Variants in SPON1 observed in about 807,000 individuals in gnomAD.
SPON1 encodes the protein spondin 1.
Under a neutral mutation model 111.7 loss-of-function variants are expected in SPON1, and 52 were observed. The observed-to-expected ratio is 0.47, with a 90% CI of 0.37 to 0.59. SPON1 has a LOEUF of 0.59. SPON1 is among the 20% of genes least tolerant of loss of function. The pLI is 0.00. For synonymous variants in SPON1, 410 were observed against 395.8 expected (o/e 1.04, Z -0.43); for missense variants, 957 against 1,068.5 (o/e 0.90, Z 1.46).
At chr11:14,162,102 G>A (rs1032720259) in intron 6 of SPON1, among the ~76,000 whole-genome samples, 4 of 148,482 alleles carry the variant, frequency 2.7e-5, no homozygotes, top group Non-Finnish European at 4.4e-5. Context: ...AGGTTGCAGC[G>A]AGCTGAGATA....
At chr11:14,062,284 G>A (rs1019361014) in intron 3 of SPON1, among the ~76,000 whole-genome samples, 2 of 152,192 alleles carry the variant, frequency 1.3e-5, no homozygotes, top group Non-Finnish European at 2.9e-5. Context: ...GTCTAATATG[G>A]ATGACTTTGG....
chr11:13,991,962 C>G (rs1198756595), intron 2 of SPON1, among the ~76,000 whole-genome samples: 3 of 152,160 alleles, frequency 2.0e-5, no homozygotes, highest in African/African-American at 7.2e-5. Flanking sequence ...CTGCCAGATG[C>G]CAGCCAGAGC....
At chr11:14,002,328 G>T (rs1206858584) in intron 2 of SPON1, among the ~76,000 whole-genome samples, 1 of 152,042 alleles carries the variant, frequency 6.6e-6, no homozygotes, top group African/African-American at 2.4e-5. Flanking sequence ...ACCTAAGGGG[G>T]TGAGGAACTG....
chr11:14,201,326 C>T (rs967169490), intron 6 of SPON1, among the ~76,000 whole-genome samples: 5 of 146,390 alleles, frequency 3.4e-5, no homozygotes, highest in African/African-American at 1.0e-4. Context: ...GGTGACAGAG[C>T]GAGACCCCAT....
chr11:14,066,391 G>GA (rs201035441), intron 3 of SPON1, among the ~76,000 whole-genome samples: 37 of 150,878 alleles, frequency 2.5e-4, no homozygotes, highest in East Asian at 5.8e-4. Flanking sequence ...AAAGACGCTG[G>GA]AAAAAAAAAT....
intron 6 of SPON1, among the ~76,000 whole-genome samples, chr11:14,169,898 G>T (rs1554932260): frequency 1.3e-5 from 2 of 152,208 alleles, no homozygotes; most frequent in Non-Finnish European, 2.9e-5. Context: ...GGTTACTGTA[G>T]TCTTGTAGTA....
intron 6 of SPON1, among the ~76,000 whole-genome samples, chr11:14,160,536 T>TAC (rs1491549333): frequency 5.3e-4 from 5 of 9,408 alleles, no homozygotes; most frequent in African/African-American, 2.8e-3. Flanking sequence ...TATATATATT[T>TAC]ATATATATAT....
At position 14,230,902 on chromosome 11, in the gene SPON1, C is replaced by G. The variant is rs540837295; in HGVS notation, c.826-12430C>G. On this transcript the variant is annotated intron_variant, in intron 6 of 15. Transcript: ENST00000576479. Reference sequence around the variant, plus strand: ...TTCCTGAGCTCAAGCGATCCTCCCACCTCAGCCTCCTGAGTAGCTGAGTAG... The same window carrying G: ...TTCCTGAGCTCAAGCGATCCTCCCAGCTCAGCCTCCTGAGTAGCTGAGTAG... Among the ~76,000 whole-genome samples, 26 of 152,076 alleles carry G rather than the reference C, an allele frequency of 1.7e-4. No individual in the cohort carries two copies. In the East Asian group the frequency reaches 5.0e-3, roughly 29 times the overall value.
intron 3 of SPON1, among the ~76,000 whole-genome samples, chr11:14,054,516 G>A (rs1591362822): frequency 6.6e-6 from 1 of 151,858 alleles, no homozygotes; most frequent in Non-Finnish European, 1.5e-5. Context: ...TTTGGGTGCA[G>A]AACTAGTTAG....
intron 3 of SPON1, among the ~76,000 whole-genome samples, chr11:14,044,179 CAT>C (rs536289185): frequency 1.3e-3 from 193 of 152,080 alleles, no homozygotes; most frequent in African/African-American, 4.4e-3. Flanking sequence ...CTGAAGGAAT[CAT>C]ATATAAGCTA....
At position 14,063,702 on chromosome 11, in the gene SPON1, C is replaced by T. The variant is rs555789617; in HGVS notation, c.480-11643C>T. ...CTCAATGGATGAGCAAAGTTGAATGCGTTGTGCAGTCAGCAAGTGTCTTTT... is the reference window on the plus strand; with the variant it reads ...CTCAATGGATGAGCAAAGTTGAATGTGTTGTGCAGTCAGCAAGTGTCTTTT... On this transcript the variant is annotated intron_variant, in intron 3 of 15. Transcript: ENST00000576479. Among the ~76,000 whole-genome samples the T allele has an allele frequency of 5.4e-4, 82 of 152,320 alleles. 1 individual carries two copies. The highest frequency in any genetic ancestry group is 1.2e-3 in the South Asian group (6 of 4,824).
At chr11:14,208,719 A>G (rs1488949384) in intron 6 of SPON1, among the ~76,000 whole-genome samples, 5 of 152,214 alleles carry the variant, frequency 3.3e-5, no homozygotes, top group Admixed American at 3.3e-4. Context: ...TCATATCATT[A>G]TTATTAAATA....
intron 2 of SPON1, among the ~76,000 whole-genome samples, chr11:14,029,655 T>C (rs7128399): frequency 0.3 from 45,461 of 151,968 alleles, 7,886 homozygotes; most frequent in South Asian, 0.51. Flanking sequence ...TCCACCCCAT[T>C]CTCCCAGTGC....
chr11:14,221,701 T>TCC (rs1848682849), intron 6 of SPON1, among the ~76,000 whole-genome samples: 1 of 152,194 alleles, frequency 6.6e-6, no homozygotes, highest in Admixed American at 6.5e-5. Flanking sequence ...CATCTCCTTC[T>TCC]TATCAATGGG....
At chr11:13,971,284 G>T (rs1255319318) in intron 1 of SPON1, among the ~76,000 whole-genome samples, 1 of 152,198 alleles carries the variant, frequency 6.6e-6, no homozygotes, top group African/African-American at 2.4e-5. Context: ...AAACGCTGCT[G>T]CTGTGGCATG....
chr11:14,042,725 A>G (rs1848641279), intron 3 of SPON1, among the ~76,000 whole-genome samples: 2 of 152,182 alleles, frequency 1.3e-5, no homozygotes, highest in African/African-American at 2.4e-5. Flanking sequence ...AGACTTAACA[A>G]CTGTGGTTAA....
intron 6 of SPON1, among the ~76,000 whole-genome samples, chr11:14,158,237 G>A (rs1427839379): frequency 6.6e-6 from 1 of 152,144 alleles, no homozygotes; most frequent in Non-Finnish European, 1.5e-5. Context: ...TTCCATGGGT[G>A]TAGCTCTTCA....
intron 6 of SPON1, among the ~76,000 whole-genome samples, chr11:14,205,422 T>G (rs945400035): frequency 6.6e-6 from 1 of 152,156 alleles, no homozygotes; most frequent in Non-Finnish European, 1.5e-5. Context: ...CACCACTAGA[T>G]AGCAATTTGG....
rs1175371847 is a variant in SPON1, at chr11:14,267,499, T to G, written c.*1812T>G. 4 of 152,218 alleles carry G rather than the reference T, an allele frequency of 2.6e-5. No homozygotes were observed. The highest frequency in any genetic ancestry group is 9.7e-5 in the African/African-American group (4 of 41,448). 9.4% of individuals were successfully genotyped at this position (152,218 alleles called of 1,614,324 possible). ...ACTTTTGCAATGTTGTTCTAAGCTA[T>G]CTATCTAACTCTCAGCCCATGATAA... On this transcript the variant is annotated 3_prime_UTR_variant, in exon 16 of 16. Transcript: ENST00000576479.
Sources: gnomAD v4.1 joint callset for allele counts (sites outside exome capture counted in the v4.1 genomes callset) on GRCh38, gnomAD v4.1.1 for gene constraint, MANE v1.5 for transcripts, NCBI Gene and HGNC (gene_info 2026-07-23, HGNC 2026-07-21) for gene names.